INO80B: variants seen among roughly 807,000 people sequenced by gnomAD.
INO80B encodes INO80 complex subunit B, also known as IES2 homolog.
In INO80B, 18 loss-of-function variants were observed where a neutral mutation model predicts 31.4. The ratio of observed to expected loss-of-function variants is 0.57; its 90% CI spans 0.40 to 0.85. INO80B has a LOEUF of 0.85. INO80B is among the 40% of genes least tolerant of loss of function. The pLI is 0.00. For synonymous variants in INO80B, 238 were observed against 199.0 expected, an observed-to-expected ratio of 1.20 and a Z score of -1.65; for missense variants, 469 against 475.4, an observed-to-expected ratio of 0.99 and a Z score of 0.13.
At chr2:74,456,889 T>A (rs1353112160) in intron 4 of INO80B, among the ~76,000 whole-genome samples, 1 of 152,238 alleles carries the variant, frequency 6.6e-6, no homozygotes, top group African/African-American at 2.4e-5. Context: ...AGATGAATTA[T>A]GGCTATATTT....
Position 74,457,536 on chromosome 2 carries a change from C to T in INO80B, c.743C>T (p.Thr248Ile), listed in dbSNP as rs750256123. 5.3e-5 allele frequency: 81 copies of T among 1,527,264 alleles called. No homozygotes were observed. The South Asian group carries it at 9.6e-4, about 18-fold the overall frequency. The allele number at this position is 1,527,264 out of a possible 1,614,324, so 94.6% of individuals were successfully genotyped here. ...GAGCGCCTCACCAAGACTGCGGCGA[C>T]CAGTGGGCGGGGAGGCCGGGGGGGC... ...TIERLTKTAA[T>I]SGRGGRGGAR... is the part of the protein sequence containing the mutation. The change falls in exon 5 of 5, where the codon ACC (threonine) becomes ATC (isoleucine). Residue 248 changes from threonine to isoleucine, a missense_variant. This residue lies in a region of INO80B where 45 missense variants were observed against 70.3 expected (regional missense o/e 0.64). Transcript: ENST00000233331.
rs769491582 is a variant in INO80B at position 74,457,821 on chromosome 2, T to A, written c.1028T>A (p.Leu343Gln). 1.3e-5 allele frequency: 21 copies of A among 1,584,308 alleles called. No homozygotes were observed. The South Asian group carries it at 2.2e-4, about 17-fold the overall frequency. ...TACCGCATCAACCTGCAGATGCGGC[T>A]GGGGGGGCCCGAGGGTCCTGGATCC... Reference protein sequence around the residue: ...QCYRINLQMRLGGPEGPGSPL... With the variant: ...QCYRINLQMRQGGPEGPGSPL... The change falls in exon 5 of 5, where the codon CTG (leucine) becomes CAG (glutamine). Residue 343 changes from leucine to glutamine, a missense_variant. Physicochemically the swap from Leu to Gln is moderately radical, Grantham distance 113. Transcript: ENST00000233331.
chr2:74,455,357 C>T (rs374860064), intron 1 of INO80B, 49 bp from the exon 2 acceptor site: 23 of 1,609,038 alleles, frequency 1.4e-5, no homozygotes, highest in Non-Finnish European at 2.0e-5. Context: ...TTCAGGGCTT[C>T]CCCTGCCACC....
intron 4 of INO80B, among the ~76,000 whole-genome samples, chr2:74,456,513 TAAAC>T (rs913057703): frequency 1.3e-5 from 2 of 152,158 alleles, no homozygotes; most frequent in African/African-American, 4.8e-5. Flanking sequence ...GAAAGTGGCG[TAAAC>T]AAACAGATAG....
intron 1 of INO80B, 23 bp downstream of exon 1, chr2:74,455,197 A>G (rs368300180): frequency 2.5e-5 from 40 of 1,613,318 alleles, no homozygotes; most frequent in Non-Finnish European, 3.1e-5. Flanking sequence ...AGATCAAGCA[A>G]TTTAGGTCGT....
Position 74,455,188 on chromosome 2 carries a change from G to T in INO80B, c.58+14G>T. 3.7e-6 allele frequency: 6 copies of T among 1,614,098 alleles called. No homozygotes were observed. The highest frequency in any genetic ancestry group is 1.3e-5 in the African/African-American group (1 of 75,072). On this transcript the variant is annotated intron_variant, in intron 1 of 4. Coordinates refer to ENST00000233331, the MANE Select transcript of INO80B (RefSeq NM_031288.4). ...CCCCTGAGCCGGGTAAGCGCGAATA[G>T]ATCAAGCAATTTAGGTCGTGTTAGA...
Position 74,457,447 on chromosome 2 carries a change from G to T in INO80B, c.654G>T (p.Glu218Asp). 1 of 1,578,298 alleles carries T rather than the reference G, an allele frequency of 6.3e-7. No individual in the cohort carries two copies. Residue 218 changes from glutamate to aspartate, a missense_variant, in exon 5 of 5, where the codon GAG becomes GAT. Glu to Asp is a conservative substitution (Grantham distance 45). Transcript: ENST00000233331. Reference sequence around the variant, plus strand: ...AGGAGATGCTGCTGAAGCGCGAGGAGCGGGCGCGGAAGCGGCGGCTCCAGG... The same window carrying T: ...AGGAGATGCTGCTGAAGCGCGAGGATCGGGCGCGGAAGCGGCGGCTCCAGG... ...LTEEMLLKRE[E>D]RARKRRLQAA...
At position 74,455,616 on chromosome 2, in the gene INO80B, A is replaced by C. The variant is rs1415842275; in HGVS notation, c.251+18A>C. The C allele has an allele frequency of 6.3e-7, 1 of 1,587,858 alleles. No homozygotes were observed. The highest frequency in any genetic ancestry group is 8.5e-7 in the Non-Finnish European group (1 of 1,169,910). On this transcript the variant is annotated intron_variant, in intron 2 of 4. Transcript: ENST00000233331. Reference sequence around the variant, plus strand: ...ACCAAGAGGTGAGGCCAAGAGGGTCATAGTTTTATAAGGGGAACTTTAGGA... The same window carrying C: ...ACCAAGAGGTGAGGCCAAGAGGGTCCTAGTTTTATAAGGGGAACTTTAGGA...
At chr2:74,456,990 C>A (rs183650334) in intron 4 of INO80B, among the ~76,000 whole-genome samples, 1 of 152,320 alleles carries the variant, frequency 6.6e-6, no homozygotes, top group East Asian at 1.9e-4. Flanking sequence ...CCACCTGATA[C>A]TCTCTATTGA....
chr2:74,456,411 C>T (rs570094601), intron 4 of INO80B, 139 bp downstream of exon 4: 1 of 767,352 alleles, frequency 1.3e-6, no homozygotes, highest in African/African-American at 1.8e-5. Context: ...AGCTAGTATT[C>T]TAGTGTGTGT....
chr2:74,455,752 G>C, intron 2 of INO80B, 66 bp from the exon 3 acceptor site: 1 of 1,407,360 alleles, frequency 7.1e-7, no homozygotes, highest in South Asian at 1.2e-5. Context: ...GGAAAGTTGG[G>C]TGTAGCTACG....
chr2:74,455,738 G>A, intron 2 of INO80B, 80 bp from the exon 3 acceptor site: 1 of 1,398,842 alleles, frequency 7.1e-7, no homozygotes, highest in Non-Finnish European at 1.0e-6. Flanking sequence ...GTCTAAGAGG[G>A]TGGGGAAAGT....
rs1201054518 is a variant in INO80B at position 74,457,336 on chromosome 2, A to T, written c.543A>T (p.Arg181=). The T allele has an allele frequency of 6.2e-7, 1 of 1,605,296 alleles. No homozygotes were observed. Among genetic ancestry groups the T allele is most frequent in the Non-Finnish European group, 8.5e-7 (1 of 1,176,676 alleles). The change falls in exon 5 of 5, where the codon CGA becomes CGT. Residue 181 remains arginine, a splice_region_variant and synonymous_variant. Coordinates refer to ENST00000233331, the MANE Select transcript of INO80B (RefSeq NM_031288.4). ...INERLLTARQ[R]ALLQKARSQP... ...ACCCCGTCTCTGTCTCTCCCTAGCGAGCTCTGCTCCAGAAGGCGCGGAGTC... is the reference window on the plus strand; with the variant it reads ...ACCCCGTCTCTGTCTCTCCCTAGCGTGCTCTGCTCCAGAAGGCGCGGAGTC...
Position 74,456,171 on chromosome 2 carries a change from G to A in INO80B, c.439G>A (p.Glu147Lys), listed in dbSNP as rs746771863. The A allele has an allele frequency of 6.2e-7, 1 of 1,613,762 alleles. No homozygotes were observed. Among genetic ancestry groups the A allele is most frequent in the Admixed American group, 1.7e-5 (1 of 59,990 alleles). The stretch of plus-strand genomic sequence containing the variant: ...AGGAGGGTTAGGGGGTCAGGAGGAA[G>A]AGGAGGAACAGAGGTGGCTGGATGC... ...LSGGLGGQEE[E>K]EEQRWLDALE... is the part of the protein sequence containing the mutation. Residue 147 changes from glutamate (E) to lysine (K), a missense_variant, in exon 4 of 5, where the codon GAG becomes AAG. Coordinates refer to ENST00000233331, the MANE Select transcript of INO80B (RefSeq NM_031288.4).
intron 4 of INO80B, 142 bp from the exon 5 acceptor site, chr2:74,457,192 A>C: frequency 1.3e-6 from 1 of 760,882 alleles, no homozygotes; most frequent in Non-Finnish European, 2.0e-6. Context: ...GGTGCTCATT[A>C]ATTAATATCC....
Position 74,457,314 on chromosome 2 carries a change from C to T in INO80B, c.541-20C>T. On this transcript the variant is annotated intron_variant, in intron 4 of 4. Coordinates refer to ENST00000233331, the MANE Select transcript of INO80B (RefSeq NM_031288.4). ...TCTTCCTCCATTTTCAGACAGCACC[C>T]CGTCTCTGTCTCTCCCTAGCGAGCT... 2 of 1,594,874 alleles carry T rather than the reference C, an allele frequency of 1.3e-6. No homozygotes were observed. The highest frequency in any genetic ancestry group is 1.7e-4 in the Middle Eastern group (1 of 6,036).
Position 74,456,110 on chromosome 2 carries a change from C to T in INO80B, c.378C>T (p.Asp126=), listed in dbSNP as rs1192275466. 2 of 1,589,762 alleles carry T rather than the reference C, an allele frequency of 1.3e-6. No homozygotes were observed. The highest frequency in any genetic ancestry group is 1.7e-6 in the Non-Finnish European group (2 of 1,168,034). Residue 126 remains aspartate (D), a synonymous_variant, in exon 4 of 5, where the codon GAC becomes GAT. Coordinates refer to ENST00000233331, the MANE Select transcript of INO80B (RefSeq NM_031288.4). ...LEQYRAWLDE[D]SNLSPSPLRD... is the part of the protein sequence containing the mutation. ...CTCCAACTTCCTTCCCAGATGAAGA[C>T]AGTAATCTCTCTCCCTCTCCACTTC...
chr2:74,456,284 C>A lies in INO80B; in HGVS notation c.540+12C>A. On this transcript the variant is annotated intron_variant, in intron 4 of 4. Coordinates refer to ENST00000233331, the MANE Select transcript of INO80B (RefSeq NM_031288.4). The stretch of plus-strand genomic sequence containing the variant: ...TTACTGCTCGACAGGTATGTTGGTT[C>A]ATTGTTTATTCACTCACCAAATGTA... The A allele has an allele frequency of 1.2e-6, 2 of 1,613,718 alleles. No individual in the cohort carries two copies. Among genetic ancestry groups the A allele is most frequent in the Non-Finnish European group, 1.7e-6 (2 of 1,179,826 alleles).
Position 74,455,485 on chromosome 2 carries a change from A to C in INO80B, c.138A>C (p.Lys46Asn). The C allele has an allele frequency of 6.2e-7, 1 of 1,614,086 alleles. No homozygotes were observed. Among genetic ancestry groups the C allele is most frequent in the Non-Finnish European group, 8.5e-7 (1 of 1,179,974 alleles). Reference protein sequence around the residue: ...HKKKHKKHKKKHKKKHHQEED... With the variant: ...HKKKHKKHKKNHKKKHHQEED... ...AAAAACACAAGAAGCACAAGAAGAA[A>C]CACAAGAAGAAACACCATCAGGAAG... The change falls in exon 2 of 5, where the codon AAA becomes AAC. Residue 46 changes from lysine (K) to asparagine (N), a missense_variant. This residue lies in a region of INO80B where 223 missense variants were observed against 253.4 expected (regional missense o/e 0.88). Coordinates refer to ENST00000233331, the MANE Select transcript of INO80B (RefSeq NM_031288.4).
Sources: gnomAD v4.1 joint callset for allele counts (sites outside exome capture counted in the v4.1 genomes callset) on GRCh38, gnomAD v4.1.1 for gene constraint, gnomAD v4.1.1 regional missense constraint, MANE v1.5 for transcripts, NCBI Gene and HGNC (gene_info 2026-07-23, HGNC 2026-07-21) for gene names.